NXPE2: variants seen among roughly 807,000 people sequenced by gnomAD.
NXPE2 encodes NXPE family member 2.
NXPE2 carries 34 observed loss-of-function variants against 34.4 expected under a neutral mutation model. The ratio of observed to expected loss-of-function variants is 0.99; its 90% CI spans 0.75 to 1.31. NXPE2 has a LOEUF of 1.31. Ranked by LOEUF, NXPE2 falls within the 40% of genes most tolerant of loss-of-function variation. The probability of loss-of-function intolerance (pLI) is 0.00; values close to 1 mark genes in which losing one functional copy is unlikely to be tolerated. For synonymous variants in NXPE2, 235 were observed against 231.3 expected, an observed-to-expected ratio of 1.02 and a Z score of -0.15; for missense variants, 649 against 672.5, an observed-to-expected ratio of 0.97 and a Z score of 0.39.
At chr11:114,629,200 C>G in the NXPE2 span, among the ~76,000 whole-genome samples, 3 of 152,012 alleles carry the variant, frequency 2.0e-5, no homozygotes, top group Admixed American at 1.3e-4. Flanking sequence ...GATACCAAAG[C>G]CGGGCAGAGA....
Position 114,705,957 on chromosome 11 carries a change from CT to C in NXPE2, c.1106del (p.Leu369ArgfsTer12). On this transcript the variant is annotated frameshift_variant, in exon 5 of 6. Coordinates refer to ENST00000389586, the MANE Select transcript of NXPE2 (RefSeq NM_182495.6). LOFTEE classifies it low-confidence loss of function (END_TRUNC). ...TATTTATCTCATGGGAGATTCAACA[CT>C]GCATCAGTGGATTTACTACTTACAA... ...KLIYLMGDSTLHQWIYYLQKA... is the reference protein window; with the variant it reads ...KLIYLMGDSTXHQWIYYLQKA... The C allele has an allele frequency of 6.6e-7, 1 of 1,509,204 alleles. No homozygotes were observed. The highest frequency in any genetic ancestry group is 8.9e-7 in the Non-Finnish European group (1 of 1,128,574). 93.5% of individuals were successfully genotyped at this position (1,509,204 alleles called of 1,614,324 possible).
the NXPE2 span, among the ~76,000 whole-genome samples, chr11:114,778,908 A>G: frequency 2.0e-5 from 3 of 152,234 alleles, no homozygotes; most frequent in African/African-American, 2.4e-5. Context: ...CCATTGTGAC[A>G]AAGAACCCGT....
At chr11:114,522,782 T>TTC in the NXPE2 span, 1 of 878,820 alleles carries the variant, frequency 1.1e-6, no homozygotes, top group South Asian at 1.7e-5. Flanking sequence ...CCAAATGAAG[T>TTC]AAAAAACAAA....
chr11:114,594,564 C>G, the NXPE2 span: 2 of 759,960 alleles, frequency 2.6e-6, no homozygotes, highest in Admixed American at 4.9e-5. Context: ...AAACTCCCCT[C>G]CTATAATCTA....
the NXPE2 span, among the ~76,000 whole-genome samples, chr11:114,752,920 A>G: frequency 6.6e-6 from 1 of 152,218 alleles, no homozygotes; most frequent in Non-Finnish European, 1.5e-5. Flanking sequence ...ACCAAGGAAG[A>G]CAAAAGAGGT....
chr11:114,584,896 C>A, the NXPE2 span, among the ~76,000 whole-genome samples: 2 of 152,154 alleles, frequency 1.3e-5, no homozygotes, highest in Admixed American at 1.3e-4. Flanking sequence ...GCCTTGCCAC[C>A]TATCCCTCTG....
the NXPE2 span, among the ~76,000 whole-genome samples, chr11:114,647,065 A>G: frequency 6.6e-6 from 1 of 152,202 alleles, no homozygotes; most frequent in African/African-American, 2.4e-5. Context: ...ACCTGCTTGC[A>G]ATGTGCCCTA....
chr11:114,582,322 A>T, the NXPE2 span: 2 of 1,594,030 alleles, frequency 1.3e-6, no homozygotes, highest in South Asian at 2.3e-5. Context: ...TTGCTAAGAT[A>T]AGAAACTTTC....
the NXPE2 span, among the ~76,000 whole-genome samples, chr11:114,496,348 A>G: frequency 1.3e-5 from 2 of 152,176 alleles, no homozygotes; most frequent in Admixed American, 6.5e-5. Flanking sequence ...CCAAGTGCAC[A>G]GATTTTCCCT....
the NXPE2 span, among the ~76,000 whole-genome samples, chr11:114,472,404 CA>C: frequency 1.3e-5 from 2 of 151,910 alleles, no homozygotes; most frequent in East Asian, 3.9e-4. Context: ...AAAAAAATCA[CA>C]AAAAAATCTT....
At chr11:114,506,030 C>A in the NXPE2 span, among the ~76,000 whole-genome samples, 23 of 150,684 alleles carry the variant, frequency 1.5e-4, no homozygotes, top group African/African-American at 5.6e-4. Context: ...GGAGAAAAAT[C>A]TACCAAGCAA....
the NXPE2 span, among the ~76,000 whole-genome samples, chr11:114,810,512 CA>C: frequency 6.6e-6 from 1 of 151,774 alleles, no homozygotes; most frequent in Non-Finnish European, 1.5e-5. Flanking sequence ...ACAACCCCAT[CA>C]AAGAGTGGGC....
At chr11:114,612,664 GATA>G in the NXPE2 span, among the ~76,000 whole-genome samples, 1 of 151,544 alleles carries the variant, frequency 6.6e-6, no homozygotes, top group African/African-American at 2.4e-5. Context: ...TTACCCAGTG[GATA>G]ATACGTGTTG....
chr11:114,682,353 G>A (rs923812523), intron 2 of NXPE2, among the ~76,000 whole-genome samples: 3 of 152,122 alleles, frequency 2.0e-5, no homozygotes, highest in Admixed American at 6.5e-5. Flanking sequence ...TTTAAAGTTG[G>A]CCCTTACAAT....
chr11:114,658,809 C>G, the NXPE2 span, among the ~76,000 whole-genome samples: 2 of 151,910 alleles, frequency 1.3e-5, no homozygotes, highest in Non-Finnish European at 2.9e-5. Flanking sequence ...CAAAATAACA[C>G]GAACAGAAGA....
At chr11:114,466,820 A>C in the NXPE2 span, among the ~76,000 whole-genome samples, 1 of 151,792 alleles carries the variant, frequency 6.6e-6, no homozygotes, top group African/African-American at 2.4e-5. Context: ...TTTTCTTCTT[A>C]TTTCATGTAG....
chr11:114,545,535 A>G, the NXPE2 span, among the ~76,000 whole-genome samples: 1 of 152,178 alleles, frequency 6.6e-6, no homozygotes, highest in African/African-American at 2.4e-5. Flanking sequence ...GAGATCAAAA[A>G]CCAATCAATG....
chr11:114,471,075 C>T, the NXPE2 span, among the ~76,000 whole-genome samples: 1 of 152,134 alleles, frequency 6.6e-6, no homozygotes, highest in Admixed American at 6.5e-5. Context: ...TCTTTTCTCC[C>T]AGCCTGGGTT....
the NXPE2 span, among the ~76,000 whole-genome samples, chr11:114,597,489 A>G: frequency 3.7e-3 from 560 of 152,320 alleles, 5 homozygotes; most frequent in African/African-American, 0.012. Context: ...ATCAGTATGC[A>G]CTCAGTTTTT....
Sources: allele counts gnomAD v4.1 joint callset (sites outside exome capture counted in the v4.1 genomes callset), GRCh38; gene constraint gnomAD v4.1.1; transcripts MANE v1.5; gene names NCBI Gene and HGNC (gene_info 2026-07-23, HGNC 2026-07-21).